The following IRF8 variants were observed in gnomAD, a reference collection of about 807,000 sequenced individuals.
IRF8 encodes the protein interferon consensus sequence binding protein 1.
IRF8 carries 14 observed loss-of-function variants against 48.7 expected under a neutral mutation model. The observed-to-expected ratio is 0.29, with a 90% CI of 0.19 to 0.45. The LOEUF is 0.45. IRF8 is among the 20% of genes least tolerant of loss of function. The pLI is 1.00. For synonymous variants in IRF8, 278 were observed against 227.3 expected, an observed-to-expected ratio of 1.22 and a Z score of -2.01; for missense variants, 493 against 580.7, an observed-to-expected ratio of 0.85 and a Z score of 1.55.
chr16:85,916,467 C>G (rs1426788115), intron 6 of IRF8, among the ~76,000 whole-genome samples: 1 of 152,222 alleles, frequency 6.6e-6, no homozygotes, highest in African/African-American at 2.4e-5. Context: ...GCTCACCTGC[C>G]TCACCTTGGC....
intron 2 of IRF8, among the ~76,000 whole-genome samples, chr16:85,906,711 T>A (rs1465061276): frequency 6.6e-6 from 1 of 152,232 alleles, no homozygotes; most frequent in Non-Finnish European, 1.5e-5. Flanking sequence ...CCGTTTGGGA[T>A]GTGGGTTAAC....
intron 2 of IRF8, among the ~76,000 whole-genome samples, chr16:85,904,810 A>ATTTTTTTTTTTT (rs1418168585): frequency 3.1e-5 from 2 of 64,636 alleles, no homozygotes; most frequent in Admixed American, 1.5e-4. Flanking sequence ...TTGATTGCAG[A>ATTTTTTTTTTTT]TCTTTTTTTT....
chr16:85,904,556 G>A (rs1904930790), intron 2 of IRF8, among the ~76,000 whole-genome samples: 1 of 152,206 alleles, frequency 6.6e-6, no homozygotes, highest in Non-Finnish European at 1.5e-5. Flanking sequence ...CAGTAATTCT[G>A]TTAAATCTGC....
chr16:85,919,382 C>T (rs997628250), intron 7 of IRF8, among the ~76,000 whole-genome samples: 8 of 152,202 alleles, frequency 5.3e-5, no homozygotes, highest in Non-Finnish European at 8.8e-5. Context: ...CGTCCCCATG[C>T]TCTCTGCTCC....
intron 5 of IRF8, 77 bp downstream of exon 5, chr16:85,913,313 T>G (rs572917857): frequency 9.8e-7 from 1 of 1,021,660 alleles, no homozygotes; most frequent in African/African-American, 1.6e-5. Context: ...AGGGACGGAG[T>G]GGGGGTGGTT....
At chr16:85,899,397 C>T (rs1904748923) in intron 1 of IRF8, among the ~76,000 whole-genome samples, 174 bp downstream of exon 1, 1 of 152,230 alleles carries the variant, frequency 6.6e-6, no homozygotes. Flanking sequence ...CACCTAAGTC[C>T]AATCTGAATG....
chr16:85,899,394 G>A, intron 1 of IRF8, among the ~76,000 whole-genome samples, 171 bp downstream of exon 1: 1 of 152,358 alleles, frequency 6.6e-6, no homozygotes, highest in South Asian at 2.1e-4. Context: ...AGCCACCTAA[G>A]TCCAATCTGA....
At chr16:85,918,219 C>A (rs1905383721) in intron 6 of IRF8, 198 bp from the exon 7 acceptor site, 7 of 603,206 alleles carry the variant, frequency 1.2e-5, no homozygotes, top group Admixed American at 3.2e-5. Context: ...CATTGGTTTC[C>A]TTAGTCATTC....
intron 2 of IRF8, among the ~76,000 whole-genome samples, chr16:85,905,484 T>C: frequency 6.6e-6 from 1 of 152,244 alleles, no homozygotes; most frequent in East Asian, 1.9e-4. Context: ...AGTCGCCTGA[T>C]GTGGCAATCT....
chr16:85,902,443 C>T (rs1204223552), intron 1 of IRF8, among the ~76,000 whole-genome samples: 1 of 152,142 alleles, frequency 6.6e-6, no homozygotes, highest in Non-Finnish European at 1.5e-5. Context: ...TGAATGAGAT[C>T]GCGGTTCTGT....
At chr16:85,911,884 T>G (rs1008828602) in intron 4 of IRF8, among the ~76,000 whole-genome samples, 1 of 152,248 alleles carries the variant, frequency 6.6e-6, no homozygotes, top group African/African-American at 2.4e-5. Context: ...GATCCCTCCT[T>G]CATCCCTAGG....
chr16:85,901,605 A>T (rs1519978), intron 1 of IRF8, among the ~76,000 whole-genome samples: 26,105 of 152,068 alleles, frequency 0.17, 2,257 homozygotes, highest in Non-Finnish European at 0.18. Context: ...GTGACAGAGC[A>T]AGACCCTGTC....
rs747312747 is a variant in IRF8, at chr16:85,918,574, G to A, written c.759G>A (p.Pro253=). The change falls in exon 7 of 9, where the codon CCG becomes CCA. Residue 253 remains proline (P), a synonymous_variant. Transcript: ENST00000268638. ...AGGGCCTGGAGCTGGTGCGCTTCCCGCCGGCCGACGCCATCCCCAGCGAGC... is the reference window on the plus strand; with the variant it reads ...AGGGCCTGGAGCTGGTGCGCTTCCCACCGGCCGACGCCATCCCCAGCGAGC... ...GPEGLELVRF[P]PADAIPSERQ... The A allele has an allele frequency of 6.9e-6, 11 of 1,604,732 alleles. No homozygotes were observed. Among genetic ancestry groups the A allele is most frequent in the African/African-American group, 5.3e-5 (4 of 74,880 alleles).
At chr16:85,902,902 C>G in intron 1 of IRF8, 113 bp from the exon 2 acceptor site, 1 of 1,192,898 alleles carries the variant, frequency 8.4e-7, no homozygotes, top group Non-Finnish European at 1.2e-6. Context: ...GGGTTTCCCC[C>G]AAGCCAGCAC....
At position 85,908,975 on chromosome 16, in the gene IRF8, T is replaced by C; in HGVS notation, c.175-15T>C. ...GTCGGCCATGAATTTAATGTGCTTC[T>C]GTTTCTTTCTTCAGGCCTGGGCAGT... On this transcript the variant is annotated splice_polypyrimidine_tract_variant and intron_variant, in intron 2 of 8. Transcript: ENST00000268638. 1 of 1,612,320 alleles carries C rather than the reference T, an allele frequency of 6.2e-7. No homozygotes were observed. Among genetic ancestry groups the C allele is most frequent in the African/African-American group, 1.3e-5 (1 of 75,012 alleles).
intron 2 of IRF8, among the ~76,000 whole-genome samples, chr16:85,905,382 C>G (rs1904967029): frequency 6.6e-6 from 1 of 152,216 alleles, no homozygotes; most frequent in Admixed American, 6.5e-5. Flanking sequence ...AATAAAGCCC[C>G]AGATTTATAC....
intron 5 of IRF8, 79 bp downstream of exon 5, chr16:85,913,315 G>C: frequency 2.0e-6 from 2 of 1,022,496 alleles, no homozygotes; most frequent in South Asian, 2.5e-5. Flanking sequence ...GGACGGAGTG[G>C]GGGTGGTTGT....
chr16:85,913,922 G>GCGCCTCTTC, intron 5 of IRF8: 1 of 176,202 alleles, frequency 5.7e-6, no homozygotes, highest in African/African-American at 2.4e-5. Context: ...TCTGCAGCCG[G>GCGCCTCTTC]TGAATGTGTT....
intron 1 of IRF8, among the ~76,000 whole-genome samples, chr16:85,900,206 G>C (rs1436222934): frequency 6.6e-6 from 1 of 152,134 alleles, no homozygotes; most frequent in Non-Finnish European, 1.5e-5. Flanking sequence ...CGGGGGAGAG[G>C]GTGGGGTCTG....
Sources: allele counts gnomAD v4.1 joint callset (sites outside exome capture counted in the v4.1 genomes callset), GRCh38; gene constraint gnomAD v4.1.1; transcripts MANE v1.5; gene names NCBI Gene and HGNC (gene_info 2026-07-23, HGNC 2026-07-21).